COL14A1: variants seen among roughly 807,000 people sequenced by gnomAD.
The protein encoded by COL14A1 is collagen alpha-1(XIV) chain.
COL14A1 carries 136 observed loss-of-function variants against 230.3 expected under a neutral mutation model. The observed-to-expected ratio is 0.59, with a 90% confidence interval of 0.51 to 0.68. COL14A1 has a LOEUF of 0.68. Among genes scored for constraint, COL14A1 ranks in the 30% least tolerant of loss-of-function variants. The pLI is 0.00. For synonymous variants in COL14A1, 792 were observed against 784.1 expected (o/e 1.01, Z -0.17); for missense variants, 1,976 against 2,215.8 (o/e 0.89, Z 2.17).
chr8:120,341,630 G>C (rs754624994), intron 43 of COL14A1, among the ~76,000 whole-genome samples: 15 of 152,114 alleles, frequency 9.9e-5, no homozygotes, highest in Non-Finnish European at 1.8e-4. Flanking sequence ...AGGATAAAAT[G>C]GAGAGAATCA....
At chr8:120,330,828 G>C (rs375527228) in intron 40 of COL14A1, among the ~76,000 whole-genome samples, 1 of 152,078 alleles carries the variant, frequency 6.6e-6, no homozygotes, top group Non-Finnish European at 1.5e-5. Context: ...ATTTTCTGTC[G>C]GGTGTGGTGG....
chr8:120,330,403 C>T (rs1260119765), intron 40 of COL14A1, among the ~76,000 whole-genome samples: 1 of 152,190 alleles, frequency 6.6e-6, no homozygotes, highest in Non-Finnish European at 1.5e-5. Flanking sequence ...AATTGGCTTA[C>T]AGTTTCACAT....
chr8:120,192,237 C>A (rs1300118439), intron 5 of COL14A1, among the ~76,000 whole-genome samples: 1 of 152,136 alleles, frequency 6.6e-6, no homozygotes, highest in East Asian at 1.9e-4. Flanking sequence ...TTAGGGCAGG[C>A]ATGGTGGTGA....
chr8:120,298,425 A>C (rs1033851848), intron 35 of COL14A1, among the ~76,000 whole-genome samples: 4 of 151,310 alleles, frequency 2.6e-5, no homozygotes, highest in African/African-American at 7.3e-5. Flanking sequence ...CTAGAAAACT[A>C]AACATTTAAA....
chr8:120,147,197 T>C (rs1448594018), intron 1 of COL14A1, among the ~76,000 whole-genome samples: 4 of 152,158 alleles, frequency 2.6e-5, no homozygotes, highest in African/African-American at 9.7e-5. Context: ...CTTGTAGCTC[T>C]TCTTTCATTG....
chr8:120,270,225 C>A, intron 26 of COL14A1, 51 bp downstream of exon 26: 2 of 1,537,600 alleles, frequency 1.3e-6, no homozygotes, highest in East Asian at 2.4e-5. Flanking sequence ...AATTATTTCT[C>A]CAGCTCTTAT....
chr8:120,246,595 T>G (rs1408494027), intron 20 of COL14A1, among the ~76,000 whole-genome samples: 1 of 152,208 alleles, frequency 6.6e-6, no homozygotes, highest in Non-Finnish European at 1.5e-5. Flanking sequence ...AAATAAAAAC[T>G]ATTTAAAGAT....
intron 37 of COL14A1, among the ~76,000 whole-genome samples, chr8:120,311,751 G>A (rs1821047157): frequency 6.6e-6 from 1 of 152,078 alleles, no homozygotes; most frequent in Non-Finnish European, 1.5e-5. Context: ...AGGATAAAAT[G>A]GGACCCCCTA....
chr8:120,201,433 G>T (rs1242229510), intron 8 of COL14A1, among the ~76,000 whole-genome samples: 2 of 151,942 alleles, frequency 1.3e-5, no homozygotes, highest in Non-Finnish European at 2.9e-5. Flanking sequence ...GCTACAGTGG[G>T]GTATTTATTC....
At chr8:120,355,089 G>T (rs1361775250) in intron 45 of COL14A1, among the ~76,000 whole-genome samples, 4 of 152,144 alleles carry the variant, frequency 2.6e-5, no homozygotes, top group Non-Finnish European at 4.4e-5. Flanking sequence ...TCCAGTGCTT[G>T]ACTGGACAAT....
rs1818552002 is a variant in COL14A1, at chr8:120,239,539, G to A, written c.2350-4340G>A. Among the ~76,000 whole-genome samples, 3 of 152,204 alleles carry A rather than the reference G, an allele frequency of 2.0e-5. No homozygotes were observed. In the South Asian group the frequency reaches 6.2e-4, roughly 32 times the overall value. On this transcript the variant is annotated intron_variant, in intron 19 of 47. Coordinates refer to ENST00000297848, the MANE Select transcript of COL14A1 (RefSeq NM_021110.4). ...AGACCCAAGAAGAGCCACACCTACTGTGAATAGCCAGAAGGCCATTACACT... is the reference window on the plus strand; with the variant it reads ...AGACCCAAGAAGAGCCACACCTACTATGAATAGCCAGAAGGCCATTACACT...
intron 1 of COL14A1, among the ~76,000 whole-genome samples, chr8:120,133,000 G>A (rs1443143430): frequency 1.3e-5 from 2 of 152,054 alleles, no homozygotes; most frequent in Non-Finnish European, 2.9e-5. Context: ...GGCGGATCAC[G>A]AGGTCAGGAG....
At chr8:120,203,369 G>T (rs1817320550) in intron 8 of COL14A1, among the ~76,000 whole-genome samples, 1 of 151,542 alleles carries the variant, frequency 6.6e-6, no homozygotes, top group African/African-American at 2.4e-5. Flanking sequence ...GGGGTCCCAA[G>T]TGTTGTTTAC....
chr8:120,322,818 T>C (rs1411854331), intron 40 of COL14A1, among the ~76,000 whole-genome samples: 4 of 152,220 alleles, frequency 2.6e-5, no homozygotes, highest in Non-Finnish European at 5.9e-5. Context: ...TTTAGGTTGA[T>C]TCCATGTCTT....
chr8:120,341,444 A>C, intron 43 of COL14A1, 84 bp downstream of exon 43: 1 of 1,379,680 alleles, frequency 7.2e-7, no homozygotes, highest in East Asian at 2.3e-5. Flanking sequence ...TCATCATTTA[A>C]TACCATTAAT....
intron 18 of COL14A1, among the ~76,000 whole-genome samples, chr8:120,229,886 T>A (rs940341576): frequency 3.3e-5 from 5 of 152,168 alleles, no homozygotes; most frequent in Admixed American, 3.3e-4. Context: ...TTCTTTTCTC[T>A]TTTTTTCTTT....
At chr8:120,283,920 C>A in intron 32 of COL14A1, 142 bp downstream of exon 32, 2 of 588,158 alleles carry the variant, frequency 3.4e-6, no homozygotes, top group Non-Finnish European at 5.5e-6. Flanking sequence ...AATTATATAG[C>A]AGTTGGTTTA....
intron 18 of COL14A1, 36 bp from the exon 19 acceptor site, chr8:120,231,431 T>G: frequency 6.2e-7 from 1 of 1,604,464 alleles, no homozygotes; most frequent in Non-Finnish European, 8.5e-7. Context: ...TATGATATGT[T>G]AAAAGTTTTT....
At position 120,283,689 on chromosome 8, in the gene COL14A1, G is replaced by A. The variant is rs774792562; in HGVS notation, c.3878G>A (p.Arg1293Gln). The change falls in exon 32 of 48, where the codon CGG becomes CAG. Residue 1293 changes from arginine (R) to glutamine (Q), a missense_variant. By Grantham distance (43) the Arg-to-Gln change is conservative. Transcript: ENST00000297848. ...PSDYTISFLFRILPDTPQEPF... is the reference protein window; with the variant it reads ...PSDYTISFLFQILPDTPQEPF... ...GACTACACAATCAGTTTTCTATTCC[G>A]GATTCTTCCTGACACTCCACAGGAG... 8 of 1,613,594 alleles carry A rather than the reference G, an allele frequency of 5.0e-6. No homozygotes were observed. Among genetic ancestry groups the A allele is most frequent in the Middle Eastern group, 1.7e-4 (1 of 6,058 alleles).
Sources: allele counts gnomAD v4.1 joint callset (sites outside exome capture counted in the v4.1 genomes callset), GRCh38; gene constraint gnomAD v4.1.1; transcripts MANE v1.5; gene names NCBI Gene and HGNC (gene_info 2026-07-23, HGNC 2026-07-21).